Variants in GIPC2 observed in about 807,000 individuals in gnomAD.
GIPC2 encodes PDZ domain-containing protein GIPC2.
Under a neutral mutation model 30.6 loss-of-function variants are expected in GIPC2, and 30 were observed. That is an observed-to-expected ratio of 0.98 (90% CI 0.73 to 1.33). GIPC2 has a LOEUF of 1.33. Among genes scored for constraint, GIPC2 ranks in the 40% most tolerant of loss-of-function variants. The pLI, the probability that GIPC2 is intolerant of heterozygous loss-of-function variation, is 0.00. For missense variants in GIPC2, 414 were observed against 390.3 expected (o/e 1.06, Z -0.51); for synonymous variants, 167 against 150.0 (o/e 1.11, Z -0.83).
At chr1:78,094,330 C>T (rs1276858799) in intron 2 of GIPC2, among the ~76,000 whole-genome samples, 1 of 152,168 alleles carries the variant, frequency 6.6e-6, no homozygotes, top group Non-Finnish European at 1.5e-5. Context: ...TGAATAAGAC[C>T]ATCTCTGTCC....
intron 2 of GIPC2, among the ~76,000 whole-genome samples, chr1:78,081,514 A>C (rs1661828614): frequency 6.6e-6 from 1 of 152,186 alleles, no homozygotes; most frequent in Non-Finnish European, 1.5e-5. Flanking sequence ...ATACTACACC[A>C]TTTTATACCA....
intron 1 of GIPC2, among the ~76,000 whole-genome samples, chr1:78,073,323 C>T (rs558990573): frequency 2.0e-5 from 3 of 152,128 alleles, no homozygotes; most frequent in Admixed American, 6.5e-5. Context: ...AGGCTGGTCT[C>T]GAACTCCTGA....
At position 78,094,966 on chromosome 1, in the gene GIPC2, T is replaced by G; in HGVS notation, c.441T>G (p.Gly147=). ...TTTCCTTTCAGAGAATTAAAGATGG[T>G]GGTGTTATTGACTCAGTTAAAACAA... is the stretch of plus-strand genomic sequence containing the variant. ...GYAFIKRIKD[G]GVIDSVKTIC... is the part of the protein sequence containing the mutation. Residue 147 remains glycine (G), a synonymous_variant, in exon 3 of 6, where the codon GGT becomes GGG. Transcript: ENST00000370759. 6.3e-7 allele frequency: 1 copy of G among 1,588,850 alleles called. No homozygotes were observed. The highest frequency in any genetic ancestry group is 1.1e-5 in the South Asian group (1 of 90,350).
intron 1 of GIPC2, among the ~76,000 whole-genome samples, chr1:78,054,110 C>T (rs1223022876): frequency 6.6e-6 from 1 of 152,176 alleles, no homozygotes; most frequent in Non-Finnish European, 1.5e-5. Flanking sequence ...TGCTTTTTCT[C>T]ATGCTGTTCT....
chr1:78,137,923 A>G lies in GIPC2; in HGVS notation c.*2180A>G, dbSNP rs1323692944. On this transcript the variant is annotated 3_prime_UTR_variant, in exon 6 of 6. Coordinates refer to ENST00000370759, the MANE Select transcript of GIPC2 (RefSeq NM_017655.6). ...CCCTTCTGCAGCTTCAGTGAGACAA[A>G]TCACTTTTTAAAAAACATTCCATTT... 1 of 151,954 alleles carries G rather than the reference A, an allele frequency of 6.6e-6. No homozygotes were observed. The highest frequency in any genetic ancestry group is 1.9e-4 in the East Asian group (1 of 5,200). 9.4% of individuals were successfully genotyped at this position (151,954 alleles called of 1,614,324 possible).
intron 3 of GIPC2, among the ~76,000 whole-genome samples, chr1:78,100,755 C>A (rs1195419451): frequency 1.3e-5 from 2 of 151,758 alleles, no homozygotes; most frequent in Non-Finnish European, 2.9e-5. Flanking sequence ...TGTGGTGAAA[C>A]CCTGTCTCTA....
At position 78,077,173 on chromosome 1, in the gene GIPC2, A is replaced by G. The variant is rs149619982; in HGVS notation, c.241-3502A>G. Among the ~76,000 whole-genome samples the G allele has an allele frequency of 1.4e-3, 212 of 152,302 alleles. 1 individual carries two copies. Among genetic ancestry groups the G allele is most frequent in the Non-Finnish European group, 2.7e-3 (185 of 68,024 alleles). ...ACTTTAAATGTAGCTGGTTCTTCCA[A>G]ATTGAGACAAGATGTAAGGGTAAAT... On this transcript the variant is annotated intron_variant, in intron 1 of 5. Transcript: ENST00000370759.
At chr1:78,122,828 T>C (rs910075654) in intron 4 of GIPC2, among the ~76,000 whole-genome samples, 7 of 152,204 alleles carry the variant, frequency 4.6e-5, no homozygotes, top group African/African-American at 1.7e-4. Flanking sequence ...ATAAAAACCC[T>C]GTTTCTCTTC....
In GIPC2 at chr1:78,056,943, G is replaced by A. The variant is rs553235831; in HGVS notation, c.240+10609G>A. ...TCCAGTGTATTTGTTGAAGCAGCCA[G>A]ATCTTTTACCCTGTGTGTTTCACAG... On this transcript the variant is annotated intron_variant, in intron 1 of 5. Coordinates refer to ENST00000370759, the MANE Select transcript of GIPC2 (RefSeq NM_017655.6). Among the ~76,000 whole-genome samples the A allele has an allele frequency of 2.6e-5, 4 of 152,270 alleles. No individual in the cohort carries two copies. The East Asian group carries it at 7.7e-4, about 29-fold the overall frequency.
rs536758096 is a variant in GIPC2 at position 78,092,157 on chromosome 1, A to G, written c.427-2795A>G. 6 of 756,030 alleles carry G rather than the reference A, an allele frequency of 7.9e-6. No homozygotes were observed. In the East Asian group the frequency reaches 1.0e-4, roughly 13 times the overall value. The allele number at this position is 756,030 out of a possible 1,614,324, so 46.8% of individuals were successfully genotyped here. A position where few individuals can be genotyped will look rare whatever the true frequency, so the allele number is the denominator to read the frequency against. On this transcript the variant is annotated intron_variant, in intron 2 of 5. Coordinates refer to ENST00000370759, the MANE Select transcript of GIPC2 (RefSeq NM_017655.6). ...GATGGGAGACACACAAGATGTTTTT[A>G]TAGTCTAGAGCCTTTAAAAAACCCA... is the stretch of plus-strand genomic sequence containing the variant.
chr1:78,099,383 G>T (rs1413643165), intron 3 of GIPC2, among the ~76,000 whole-genome samples: 1 of 151,796 alleles, frequency 6.6e-6, no homozygotes, highest in East Asian at 1.9e-4. Flanking sequence ...GTAAAGGTGG[G>T]AGACATCAAG....
At chr1:78,087,121 G>A (rs1037972344) in intron 2 of GIPC2, among the ~76,000 whole-genome samples, 8 of 152,274 alleles carry the variant, frequency 5.3e-5, no homozygotes, top group Non-Finnish European at 1.2e-4. Flanking sequence ...AATATCCCAT[G>A]CTTGTGGATA....
chr1:78,084,359 C>A (rs964200235), intron 2 of GIPC2, among the ~76,000 whole-genome samples: 1 of 151,892 alleles, frequency 6.6e-6, no homozygotes, highest in African/African-American at 2.4e-5. Context: ...ACTAAAAATG[C>A]AAAAATTAGC....
intron 3 of GIPC2, among the ~76,000 whole-genome samples, chr1:78,106,092 G>A (rs1212216840): frequency 2.0e-5 from 3 of 151,500 alleles, no homozygotes; most frequent in African/African-American, 7.3e-5. Flanking sequence ...AAAATTAGCC[G>A]GGCATAGTGG....
chr1:78,132,091 G>A (rs577978), intron 5 of GIPC2, among the ~76,000 whole-genome samples: 35,960 of 152,158 alleles, frequency 0.24, 5,002 homozygotes, highest in East Asian at 0.75. Flanking sequence ...GGGAGCATGA[G>A]TCCTAATTTT....
intron 5 of GIPC2, among the ~76,000 whole-genome samples, chr1:78,133,537 G>A (rs1412111653): frequency 6.6e-6 from 1 of 152,142 alleles, no homozygotes; most frequent in African/African-American, 2.4e-5. Context: ...GAGCCTTGAA[G>A]GAGAGAAGGA....
chr1:78,075,995 T>G (rs1357545675), intron 1 of GIPC2, among the ~76,000 whole-genome samples: 2 of 152,250 alleles, frequency 1.3e-5, no homozygotes, highest in African/African-American at 2.4e-5. Flanking sequence ...CAGTGATAAC[T>G]GCAGTCATTT....
Position 78,046,266 on chromosome 1 carries a change from G to GCATCC in GIPC2, c.172_173insCATCC (p.Glu58AlafsTer31). 1.2e-6 allele frequency: 2 copies of GCATCC among 1,611,856 alleles called. No homozygotes were observed. The highest frequency in any genetic ancestry group is 1.7e-6 in the Non-Finnish European group (2 of 1,179,432). ...GCACGGTAGTGCCACGGGCCGAGTG[G>GCATCC]AGGGCTTCTCCAGCATCCAGGAGCT... On this transcript the variant is annotated frameshift_variant, in exon 1 of 6. Coordinates refer to ENST00000370759, the MANE Select transcript of GIPC2 (RefSeq NM_017655.6). LOFTEE classifies it high-confidence loss of function.
chr1:78,047,720 T>C (rs1181432220), intron 1 of GIPC2, among the ~76,000 whole-genome samples: 2 of 152,180 alleles, frequency 1.3e-5, no homozygotes, highest in Admixed American at 1.3e-4. Flanking sequence ...TCTTGAAGAG[T>C]ATTGTGAAGA....
Sources: allele counts gnomAD v4.1 joint callset (sites outside exome capture counted in the v4.1 genomes callset), GRCh38; gene constraint gnomAD v4.1.1; transcripts MANE v1.5; gene names NCBI Gene and HGNC (gene_info 2026-07-23, HGNC 2026-07-21).